The following CPNE8 variants were observed in gnomAD, a reference collection of about 807,000 sequenced individuals.
CPNE8 encodes copine 8.
Under a neutral mutation model 81.5 loss-of-function variants are expected in CPNE8, and 45 were observed. The observed-to-expected ratio is 0.55, with a 90% CI of 0.44 to 0.71. The LOEUF is 0.71. Among genes scored for constraint, CPNE8 ranks in the 30% least tolerant of loss-of-function variants. The pLI is 0.00. For missense variants in CPNE8, 594 were observed against 672.1 expected (o/e 0.88, Z 1.28); for synonymous variants, 252 against 226.3 (o/e 1.11, Z -1.02).
intron 10 of CPNE8, among the ~76,000 whole-genome samples, chr12:38,740,809 T>C (rs1941080485): frequency 6.6e-6 from 1 of 152,164 alleles, no homozygotes; most frequent in Non-Finnish European, 1.5e-5. Flanking sequence ...TTACTGAGGA[T>C]TTTTGCATCG....
At chr12:38,858,149 G>A (rs1943775016) in intron 3 of CPNE8, among the ~76,000 whole-genome samples, 1 of 152,190 alleles carries the variant, frequency 6.6e-6, no homozygotes, top group Non-Finnish European at 1.5e-5. Flanking sequence ...CCCAGTTTCT[G>A]TGGGAAAGTA....
intron 1 of CPNE8, among the ~76,000 whole-genome samples, chr12:38,878,278 C>A (rs539977780): frequency 2.6e-4 from 40 of 152,282 alleles, no homozygotes; most frequent in African/African-American, 8.4e-4. Context: ...TCTTGGGCAA[C>A]ATCCAAGAAC....
At chr12:38,843,828 C>T (rs1233501937) in intron 4 of CPNE8, among the ~76,000 whole-genome samples, 3 of 152,068 alleles carry the variant, frequency 2.0e-5, no homozygotes, top group Non-Finnish European at 4.4e-5. Context: ...GCATTCCCAC[C>T]TCCCTTCTGT....
At chr12:38,671,568 T>A (rs1232777752) in intron 18 of CPNE8, among the ~76,000 whole-genome samples, 1 of 152,174 alleles carries the variant, frequency 6.6e-6, no homozygotes, top group South Asian at 2.1e-4. Context: ...ATTAATTACA[T>A]GAGGAATGCT....
At chr12:38,895,503 T>C (rs1237739676) in intron 1 of CPNE8, among the ~76,000 whole-genome samples, 1 of 152,106 alleles carries the variant, frequency 6.6e-6, no homozygotes, top group East Asian at 1.9e-4. Context: ...AGTCTTCTCA[T>C]TACTTAATTT....
chr12:38,826,012 T>C (rs926511515), intron 6 of CPNE8, among the ~76,000 whole-genome samples: 1 of 152,220 alleles, frequency 6.6e-6, no homozygotes. Flanking sequence ...ATGAATGTAA[T>C]TGCAACCAGT....
intron 6 of CPNE8, among the ~76,000 whole-genome samples, chr12:38,823,437 T>G: frequency 6.6e-6 from 1 of 152,182 alleles, no homozygotes; most frequent in African/African-American, 2.4e-5. Context: ...GAACCTTCCC[T>G]TAATTCTCCA....
chr12:38,880,121 G>A (rs17126733), intron 1 of CPNE8, among the ~76,000 whole-genome samples: 1,653 of 152,314 alleles, frequency 0.011, 22 homozygotes, highest in South Asian at 0.039. Context: ...ACACTGTCCA[G>A]AATAAATTTT....
chr12:38,794,476 A>T lies in CPNE8; in HGVS notation c.408-18175T>A, dbSNP rs139699432. Among the ~76,000 whole-genome samples, 4 of 152,254 alleles carry T rather than the reference A, an allele frequency of 2.6e-5. No homozygotes were observed. The East Asian group carries it at 7.7e-4, about 29-fold the overall frequency. ...TGCATAAAGAACTCCTCCCAATCTG[A>T]TTTAAAAATGAGCATGGCACTTCAG... On this transcript the variant is annotated intron_variant, in intron 6 of 19. Transcript: ENST00000331366.
At chr12:38,851,743 C>T (rs1943649622) in intron 3 of CPNE8, among the ~76,000 whole-genome samples, 1 of 152,144 alleles carries the variant, frequency 6.6e-6, no homozygotes, top group Admixed American at 6.5e-5. Context: ...GTCATTCCAC[C>T]AGCCAAAAAA....
At chr12:38,849,737 G>A (rs556232266) in intron 3 of CPNE8, among the ~76,000 whole-genome samples, 4 of 152,264 alleles carry the variant, frequency 2.6e-5, no homozygotes, top group African/African-American at 9.6e-5. Context: ...ATATCATACA[G>A]ACAAATTATA....
chr12:38,730,563 A>G (rs939760953), intron 10 of CPNE8, among the ~76,000 whole-genome samples: 1 of 151,774 alleles, frequency 6.6e-6, no homozygotes, highest in Non-Finnish European at 1.5e-5. Context: ...GGACAATTTC[A>G]TTAATATTCA....
At chr12:38,666,164 C>T (rs1939052822) in intron 19 of CPNE8, among the ~76,000 whole-genome samples, 1 of 152,178 alleles carries the variant, frequency 6.6e-6, no homozygotes, top group African/African-American at 2.4e-5. Flanking sequence ...GTCAGAATCA[C>T]TACTTGAACT....
intron 5 of CPNE8, among the ~76,000 whole-genome samples, chr12:38,838,366 C>T (rs930905815): frequency 2.0e-4 from 30 of 152,118 alleles, no homozygotes; most frequent in Admixed American, 1.0e-3. Context: ...GAATAGCTAT[C>T]TCACTCACAA....
intron 4 of CPNE8, among the ~76,000 whole-genome samples, chr12:38,844,716 C>T (rs1943525610): frequency 6.6e-6 from 1 of 152,168 alleles, no homozygotes; most frequent in South Asian, 2.1e-4. Flanking sequence ...TTTTCTCTCA[C>T]TGTCGTTACA....
intron 19 of CPNE8, among the ~76,000 whole-genome samples, chr12:38,661,352 A>G (rs1376470157): frequency 6.6e-6 from 1 of 152,130 alleles, no homozygotes; most frequent in Non-Finnish European, 1.5e-5. Context: ...GCAAACTATC[A>G]CAAGGACAGA....
chr12:38,658,747 A>C (rs1328439247), intron 19 of CPNE8, among the ~76,000 whole-genome samples: 1 of 152,208 alleles, frequency 6.6e-6, no homozygotes, highest in African/African-American at 2.4e-5. Flanking sequence ...CCAATATTCA[A>C]CATTCTTAAA....
At chr12:38,769,678 T>C (rs2136873458) in intron 7 of CPNE8, among the ~76,000 whole-genome samples, 1 of 152,274 alleles carries the variant, frequency 6.6e-6, no homozygotes, top group East Asian at 1.9e-4. Context: ...CCAAGAAACA[T>C]TCTGTATACT....
intron 3 of CPNE8, among the ~76,000 whole-genome samples, chr12:38,856,092 C>G (rs1423470883): frequency 6.6e-6 from 1 of 151,792 alleles, no homozygotes; most frequent in Admixed American, 6.6e-5. Flanking sequence ...AATTGAATAA[C>G]CCAGAAGAAA....
Sources: gnomAD v4.1 joint callset for allele counts (sites outside exome capture counted in the v4.1 genomes callset) on GRCh38, gnomAD v4.1.1 for gene constraint, MANE v1.5 for transcripts, NCBI Gene and HGNC (gene_info 2026-07-23, HGNC 2026-07-21) for gene names.